CCDC178: variants seen among roughly 807,000 people sequenced by gnomAD.
CCDC178 encodes the protein coiled-coil domain containing 178.
In CCDC178, 126 loss-of-function variants were observed where a neutral mutation model predicts 117.4. The ratio of observed to expected loss-of-function variants is 1.07; its 90% CI spans 0.93 to 1.24. CCDC178 has a LOEUF of 1.24. Ranked by LOEUF, CCDC178 falls within the 50% of genes most tolerant of loss-of-function variation. CCDC178 has a pLI of 0.00. For missense variants in CCDC178, 1,030 were observed against 986.9 expected, an observed-to-expected ratio of 1.04 and a Z score of -0.59; for synonymous variants, 283 against 313.4, an observed-to-expected ratio of 0.90 and a Z score of 1.02.
intron 12 of CCDC178, among the ~76,000 whole-genome samples, chr18:33,279,910 T>C (rs1465913027): frequency 2.0e-5 from 3 of 152,110 alleles, no homozygotes; most frequent in Admixed American, 6.6e-5. Flanking sequence ...TGTAGAAAGC[T>C]GAAACTGGAT....
Position 33,403,842 on chromosome 18 carries a change from A to G in CCDC178, c.59-6634T>C, listed in dbSNP as rs1317509536. 2.0e-5 allele frequency among the ~76,000 whole-genome samples: 3 copies of G among 152,266 alleles called. No homozygotes were observed. In the East Asian group the frequency reaches 5.8e-4, roughly 29 times the overall value. On this transcript the variant is annotated intron_variant, in intron 3 of 22. Coordinates refer to ENST00000383096, the MANE Select transcript of CCDC178 (RefSeq NM_001105528.4). Reference sequence around the variant, plus strand: ...TAAAAACTTCTGGGGAGTCAGTATTAGAGGGCCAGGTATATTTTTACTTTT... The same window carrying G: ...TAAAAACTTCTGGGGAGTCAGTATTGGAGGGCCAGGTATATTTTTACTTTT...
intron 21 of CCDC178, among the ~76,000 whole-genome samples, chr18:33,063,545 G>A (rs781691917): frequency 2.6e-5 from 4 of 152,084 alleles, no homozygotes; most frequent in African/African-American, 7.2e-5. Flanking sequence ...TCAGCCAATC[G>A]CCATCACTGC....
rs1456382570 is a variant in CCDC178 at position 33,268,918 on chromosome 18, G to A, written c.1177-1621C>T. Among the ~76,000 whole-genome samples the A allele has an allele frequency of 4.0e-5, 6 of 151,842 alleles. No homozygotes were observed. The Admixed American group carries it at 4.0e-4, about 10-fold the overall frequency. On this transcript the variant is annotated intron_variant, in intron 12 of 22. Transcript: ENST00000383096. The stretch of plus-strand genomic sequence containing the variant: ...ACAGTCTAAACTTAGTAAGAAGAGT[G>A]CACTTTGTGGTGTTTCACCTTCTAG...
chr18:33,004,848 C>T (rs1014957476), intron 21 of CCDC178, among the ~76,000 whole-genome samples: 4 of 152,026 alleles, frequency 2.6e-5, no homozygotes, highest in Admixed American at 2.6e-4. Context: ...GAATGGCAAA[C>T]AGGTATATGA....
At chr18:33,282,988 A>G (rs1244510839) in intron 12 of CCDC178, among the ~76,000 whole-genome samples, 1 of 152,116 alleles carries the variant, frequency 6.6e-6, no homozygotes, top group Non-Finnish European at 1.5e-5. Flanking sequence ...AACCACACAC[A>G]GAGTCTCCAG....
chr18:33,064,908 T>C (rs543796841), intron 21 of CCDC178, among the ~76,000 whole-genome samples: 1 of 151,778 alleles, frequency 6.6e-6, no homozygotes, highest in African/African-American at 2.4e-5. Flanking sequence ...ACACTATTCA[T>C]CCATAGTAAA....
intron 5 of CCDC178, among the ~76,000 whole-genome samples, chr18:33,376,148 A>C (rs2063362754): frequency 6.6e-6 from 1 of 152,078 alleles, no homozygotes; most frequent in Admixed American, 6.6e-5. Flanking sequence ...TGATGAGTTT[A>C]AGGTGTTTTC....
chr18:33,109,392 T>TA (rs1166068898), intron 20 of CCDC178, among the ~76,000 whole-genome samples: 1 of 151,642 alleles, frequency 6.6e-6, no homozygotes, highest in Non-Finnish European at 1.5e-5. Flanking sequence ...TTTCTTTTAC[T>TA]AAAAAAGAGA....
At chr18:33,172,063 G>T (rs938427658) in intron 20 of CCDC178, among the ~76,000 whole-genome samples, 1 of 152,006 alleles carries the variant, frequency 6.6e-6, no homozygotes, top group African/African-American at 2.4e-5. Flanking sequence ...GGCACAAACT[G>T]CCATGCCTGG....
chr18:33,210,427 T>C (rs1239844225), intron 20 of CCDC178, among the ~76,000 whole-genome samples: 1 of 151,948 alleles, frequency 6.6e-6, no homozygotes, highest in Non-Finnish European at 1.5e-5. Flanking sequence ...TAGAGGCTGG[T>C]TATAGAGGAT....
intron 20 of CCDC178, among the ~76,000 whole-genome samples, chr18:33,119,290 C>A (rs1257607001): frequency 6.6e-6 from 1 of 152,156 alleles, no homozygotes; most frequent in Non-Finnish European, 1.5e-5. Flanking sequence ...ATTTACTTAT[C>A]TGACAAAGGG....
chr18:33,083,111 G>C (rs2057323338), intron 21 of CCDC178, among the ~76,000 whole-genome samples: 1 of 152,140 alleles, frequency 6.6e-6, no homozygotes, highest in Admixed American at 6.5e-5. Context: ...ATCTTTACAT[G>C]TATTAAATTA....
In CCDC178 at chr18:33,215,669, G is replaced by T. The variant is rs542630209; in HGVS notation, c.1959C>A (p.Asp653Glu). The change falls in exon 19 of 23, where the codon GAC becomes GAA. Residue 653 changes from aspartate to glutamate, a missense_variant. Coordinates refer to ENST00000383096, the MANE Select transcript of CCDC178 (RefSeq NM_001105528.4). ...TESKRSAIFK[D>E]LEATKSKTMI... The stretch of plus-strand genomic sequence containing the variant: ...TTGTCTTACTTTTAGTTGCTTCTAG[G>T]TCTTTAAAAATTGCTGAGCGTTTAC... 16 of 1,525,230 alleles carry T rather than the reference G, an allele frequency of 1.0e-5. No individual in the cohort carries two copies. In the African/African-American group the frequency reaches 1.9e-4, roughly 18 times the overall value. 94.5% of individuals were successfully genotyped at this position (1,525,230 alleles called of 1,614,324 possible).
chr18:33,053,397 C>T (rs764523647), intron 21 of CCDC178, among the ~76,000 whole-genome samples: 18 of 152,178 alleles, frequency 1.2e-4, no homozygotes, highest in Admixed American at 2.0e-4. Flanking sequence ...GGGCTCCATA[C>T]TCAGAGGAAA....
intron 12 of CCDC178, among the ~76,000 whole-genome samples, chr18:33,277,846 T>G (rs1240258685): frequency 6.6e-6 from 1 of 152,154 alleles, no homozygotes; most frequent in Non-Finnish European, 1.5e-5. Context: ...TCTCCCAATC[T>G]AACGGCACTG....
intron 2 of CCDC178, among the ~76,000 whole-genome samples, chr18:33,420,468 C>T (rs987253853): frequency 7.9e-5 from 12 of 152,260 alleles, no homozygotes; most frequent in Non-Finnish European, 1.5e-4. Context: ...ATTCTCATGC[C>T]TCAGCTTCCT....
At chr18:33,009,083 C>T (rs1056414479) in intron 21 of CCDC178, among the ~76,000 whole-genome samples, 1 of 152,092 alleles carries the variant, frequency 6.6e-6, no homozygotes, top group Non-Finnish European at 1.5e-5. Context: ...CTCCCTTCAT[C>T]TGGTCATCAG....
chr18:33,033,979 G>T (rs2056395485), intron 21 of CCDC178, among the ~76,000 whole-genome samples: 1 of 151,646 alleles, frequency 6.6e-6, no homozygotes, highest in African/African-American at 2.4e-5. Flanking sequence ...ACAAAGACTA[G>T]AAATTATTTT....
At chr18:33,276,665 A>G (rs968243071) in intron 12 of CCDC178, among the ~76,000 whole-genome samples, 4 of 152,110 alleles carry the variant, frequency 2.6e-5, no homozygotes, top group African/African-American at 9.7e-5. Flanking sequence ...ACAAAAGAAT[A>G]ATGATTAGAT....
Sources: allele counts gnomAD v4.1 joint callset (sites outside exome capture counted in the v4.1 genomes callset), GRCh38; gene constraint gnomAD v4.1.1; transcripts MANE v1.5; gene names NCBI Gene and HGNC (gene_info 2026-07-23, HGNC 2026-07-21).